ABL1: variants seen among roughly 807,000 people sequenced by gnomAD.
The protein encoded by ABL1 is tyrosine-protein kinase ABL1.
In ABL1, 11 loss-of-function variants were observed where a neutral mutation model predicts 94.7. The observed-to-expected ratio is 0.12, with a 90% CI of 0.07 to 0.19. The LOEUF (loss-of-function observed/expected upper bound fraction) is 0.19. Ranked by LOEUF, ABL1 falls within the 10% of genes least tolerant of loss-of-function variation. The pLI, the probability that ABL1 is intolerant of heterozygous loss-of-function variation, is 1.00. For missense variants in ABL1, 1,082 were observed against 1,489.4 expected, an observed-to-expected ratio of 0.73 and a Z score of 4.50; for synonymous variants, 656 against 622.4, an observed-to-expected ratio of 1.05 and a Z score of -0.80.
chr9:130,839,343 C>T (rs1042880530), intron 1 of ABL1, among the ~76,000 whole-genome samples: 10 of 152,158 alleles, frequency 6.6e-5, no homozygotes, highest in African/African-American at 1.7e-4. Flanking sequence ...AGAACTTGAG[C>T]TTTGGAGAAG....
At chr9:130,831,449 C>T (rs550481077), upstream of ABL1, among the ~76,000 whole-genome samples, 1 of 152,234 alleles carries the variant, frequency 6.6e-6, no homozygotes, top group East Asian at 1.9e-4. Flanking sequence ...TCTAATCATC[C>T]AAGAAGAGTC....
rs948923146 is a variant in ABL1 at position 130,874,037 on chromosome 9, A to G, written c.1086-831A>G. 7.9e-5 allele frequency among the ~76,000 whole-genome samples: 12 copies of G among 152,190 alleles called. No individual in the cohort carries two copies. In the South Asian group the frequency reaches 2.3e-3, roughly 29 times the overall value. On this transcript the variant is annotated intron_variant, in intron 6 of 10. Transcript: ENST00000318560. ...GCACGGCCGGGTCCGTTCCTTCTTCATTCAAGCGAACTTAAAATGCTTTAT... is the reference window on the plus strand; with the variant it reads ...GCACGGCCGGGTCCGTTCCTTCTTCGTTCAAGCGAACTTAAAATGCTTTAT...
At chr9:130,802,245 C>T (rs768563336) in intron 1 of ABL1, among the ~76,000 whole-genome samples, 1 of 151,954 alleles carries the variant, frequency 6.6e-6, no homozygotes, top group Admixed American at 6.6e-5. Flanking sequence ...AGGCACGTGC[C>T]ACCACGCCTG....
At chr9:130,755,608 CT>C (rs2132737708) in intron 1 of ABL1, among the ~76,000 whole-genome samples, 1 of 152,338 alleles carries the variant, frequency 6.6e-6, no homozygotes, top group East Asian at 1.9e-4. Context: ...GACGTGCCCC[CT>C]CACATGGTGT....
In ABL1 at chr9:130,835,775, C is replaced by T. The variant is rs1374222406; in HGVS notation, c.79+250C>T. Among the ~76,000 whole-genome samples, 1 of 152,152 alleles carries T rather than the reference C, an allele frequency of 6.6e-6. No individual in the cohort carries two copies. Among genetic ancestry groups the T allele is most frequent in the Non-Finnish European group, 1.5e-5 (1 of 68,026 alleles). Reference sequence around the variant, plus strand: ...TTTTTCTCTCTCTCTGTCTCTTTCTCTTTCTCGCGATGGCCCCTAGGCGCC... The same window carrying T: ...TTTTTCTCTCTCTCTGTCTCTTTCTTTTTCTCGCGATGGCCCCTAGGCGCC... On this transcript the variant is annotated intron_variant, in intron 1 of 10. Coordinates refer to ENST00000318560, the MANE Select transcript of ABL1 (RefSeq NM_005157.6). This position sits in a 1 kb window ranked among gnomAD's most constrained non-coding sequence, Gnocchi z 4.6.
At chr9:130,878,380 T>A (rs1420423819) in intron 7 of ABL1, 35 bp from the exon 8 acceptor site, 1 of 1,611,490 alleles carries the variant, frequency 6.2e-7, no homozygotes. Flanking sequence ...ATGCTACACA[T>A]CTTGAACAGC....
At chr9:130,856,888 T>C (rs1272693878) in intron 3 of ABL1, among the ~76,000 whole-genome samples, 9 of 152,248 alleles carry the variant, frequency 5.9e-5, no homozygotes, top group Admixed American at 5.2e-4. Flanking sequence ...GGTTGACTTT[T>C]AGGTTGTTTC....
In ABL1 at chr9:130,769,329, C is replaced by CTTTTTTT. The variant is rs372838676; in HGVS notation, c.136+54890_136+54896dup. ...TGGAGAGCCAAACTATGGCCCTAGT[C>CTTTTTTT]TTTTTTTTTTTTTTTTTTTTTTGAG... On this transcript the variant is annotated intron_variant, in intron 1 of 10. Coordinates refer to the ABL1 transcript ENST00000372348. Among the ~76,000 whole-genome samples the CTTTTTTT allele has an allele frequency of 2.6e-3, 217 of 84,302 alleles. 4 individuals are homozygous for CTTTTTTT. Among genetic ancestry groups the CTTTTTTT allele is most frequent in the African/African-American group, 3.0e-3 (64 of 21,544 alleles). 55.3% of individuals were successfully genotyped at this position (84,302 alleles called of 152,430 possible).
At chr9:130,743,860 C>T (rs1411964367) in intron 1 of ABL1, among the ~76,000 whole-genome samples, 3 of 151,918 alleles carry the variant, frequency 2.0e-5, no homozygotes, top group African/African-American at 7.3e-5. Flanking sequence ...CACATAGGCC[C>T]TATGTAGCTG....
chr9:130,714,381 A>T (rs1418434428), exon 1 of ABL1: 1 of 1,614,006 alleles, frequency 6.2e-7, no homozygotes, highest in Non-Finnish European at 8.5e-7. Flanking sequence ...CCTGCCCTGC[A>T]TTTTATCAAA....
At chr9:130,734,527 T>C (rs1420259982) in intron 1 of ABL1, among the ~76,000 whole-genome samples, 1 of 149,818 alleles carries the variant, frequency 6.7e-6, no homozygotes, top group Non-Finnish European at 1.5e-5. Context: ...AATCTTCTTT[T>C]TTTTTTTTTT....
intron 1 of ABL1, among the ~76,000 whole-genome samples, chr9:130,824,642 G>A (rs528272649): frequency 6.6e-6 from 1 of 152,284 alleles, no homozygotes; most frequent in Admixed American, 6.5e-5. Flanking sequence ...GCTCGTAGGA[G>A]GGGTGGTAAA....
chr9:130,782,539 G>A (rs1256383213), intron 1 of ABL1, among the ~76,000 whole-genome samples: 3 of 152,170 alleles, frequency 2.0e-5, no homozygotes. Flanking sequence ...CTTAACTTGG[G>A]TGGGATCACA....
At chr9:130,776,375 C>G (rs1229520029) in intron 1 of ABL1, among the ~76,000 whole-genome samples, 2 of 152,186 alleles carry the variant, frequency 1.3e-5, no homozygotes, top group African/African-American at 4.8e-5. Flanking sequence ...GCAGGCAGAT[C>G]ACCTGACGTC....
chr9:130,869,039 T>C (rs1331213494), intron 4 of ABL1, among the ~76,000 whole-genome samples: 2 of 151,818 alleles, frequency 1.3e-5, no homozygotes, highest in Non-Finnish European at 2.9e-5. Flanking sequence ...TGGTGGCAGG[T>C]GCCTGTAGTC....
At chr9:130,836,405 G>A (rs530715658) in intron 1 of ABL1, among the ~76,000 whole-genome samples, 45 of 152,160 alleles carry the variant, frequency 3.0e-4, no homozygotes, top group Admixed American at 1.6e-3. Flanking sequence ...GCTTCTAGGT[G>A]GGTATGAAAT....
At chr9:130,853,928 G>A (rs1830929755) in intron 1 of ABL1, 136 bp from the exon 2 acceptor site, 3 of 877,214 alleles carry the variant, frequency 3.4e-6, no homozygotes, top group Non-Finnish European at 5.1e-6. Context: ...ATAATAGTAT[G>A]TACAGATGTT....
At chr9:130,813,602 G>T (rs1289397664) in intron 1 of ABL1, among the ~76,000 whole-genome samples, 5 of 150,080 alleles carry the variant, frequency 3.3e-5, no homozygotes, top group African/African-American at 1.2e-4. Flanking sequence ...ATGATCTCTG[G>T]CCACAAGGAA....
intron 1 of ABL1, among the ~76,000 whole-genome samples, chr9:130,755,352 G>A (rs1433417474): frequency 6.6e-6 from 1 of 152,090 alleles, no homozygotes; most frequent in Non-Finnish European, 1.5e-5. Context: ...CTAGAAATGG[G>A]GGTGACATTC....
Sources: allele counts gnomAD v4.1 joint callset (sites outside exome capture counted in the v4.1 genomes callset), GRCh38; gene constraint gnomAD v4.1.1; non-coding constraint Gnocchi (gnomAD v3.1); transcripts MANE v1.5; gene names NCBI Gene and HGNC (gene_info 2026-07-23, HGNC 2026-07-21).